The following ZNF780A variants were observed in gnomAD, a reference collection of about 807,000 sequenced individuals.
ZNF780A encodes the protein zinc finger protein 780A.
ZNF780A carries 40 observed loss-of-function variants against 56.7 expected under a neutral mutation model. That is an observed-to-expected ratio of 0.71 (90% CI 0.55 to 0.92). The LOEUF (loss-of-function observed/expected upper bound fraction) is 0.92, where lower values mean the gene tolerates loss of function less well. Ranked by LOEUF, ZNF780A falls within the 40% of genes least tolerant of loss-of-function variation. The pLI, the probability that ZNF780A is intolerant of heterozygous loss-of-function variation, is 0.00. For synonymous variants in ZNF780A, 231 were observed against 248.3 expected (o/e 0.93, Z 0.66); for missense variants, 672 against 783.3 (o/e 0.86, Z 1.70).
chr19:40,084,902 G>A (rs924576889), intron 2 of ZNF780A, 104 bp from the exon 3 acceptor site: 56 of 1,331,166 alleles, frequency 4.2e-5, no homozygotes, highest in Non-Finnish European at 5.3e-5. Flanking sequence ...CTGCTAACAC[G>A]CACACTTCCA....
At chr19:40,080,366 A>C (rs1334596068) in intron 5 of ZNF780A, among the ~76,000 whole-genome samples, 1 of 152,224 alleles carries the variant, frequency 6.6e-6, no homozygotes, top group Admixed American at 6.5e-5. Flanking sequence ...TCTAGCCTAA[A>C]GTCACATGAA....
In ZNF780A at chr19:40,090,913, T is replaced by C. The variant is rs1975132995; in HGVS notation, c.-123A>G. On this transcript the variant is annotated 5_prime_UTR_variant, in exon 1 of 6. Transcript: ENST00000683561. ...CAGACGTGAAGACCTTACCCCGCTATGTCGTCGACCCCGGAGACCGGAAGT... is the reference window on the plus strand; with the variant it reads ...CAGACGTGAAGACCTTACCCCGCTACGTCGTCGACCCCGGAGACCGGAAGT... The C allele has an allele frequency of 2.0e-5, 3 of 152,460 alleles. No homozygotes were observed. Among genetic ancestry groups the C allele is most frequent in the Admixed American group, 1.3e-4 (2 of 15,304 alleles). 9.4% of individuals were successfully genotyped at this position (152,460 alleles called of 1,614,324 possible). A position where few individuals can be genotyped will look rare whatever the true frequency, so the allele number is the denominator to read the frequency against.
intron 2 of ZNF780A, among the ~76,000 whole-genome samples, chr19:40,087,238 G>GT (rs1486354498): frequency 6.6e-6 from 1 of 152,128 alleles, no homozygotes; most frequent in Non-Finnish European, 1.5e-5. Flanking sequence ...CTGGACTACA[G>GT]TTTTTCACCC....
At position 40,076,510 on chromosome 19, in the gene ZNF780A, T is replaced by A. The variant is rs1974143629; in HGVS notation, c.233-301A>T. On this transcript the variant is annotated intron_variant, in intron 5 of 5. Coordinates refer to ENST00000683561, the MANE Select transcript of ZNF780A (RefSeq NM_001142578.2). ...ACATATTGATATGTTCTATAGGACT[T>A]AAGACCATGAGACCCATAGTTTCAT... Among the ~76,000 whole-genome samples, 4 of 152,318 alleles carry A rather than the reference T, an allele frequency of 2.6e-5. No individual in the cohort carries two copies. In the South Asian group the frequency reaches 8.3e-4, roughly 32 times the overall value.
chr19:40,086,437 T>G (rs1015793251), intron 2 of ZNF780A, among the ~76,000 whole-genome samples: 2 of 152,198 alleles, frequency 1.3e-5, no homozygotes, highest in Admixed American at 1.3e-4. Flanking sequence ...CTAATATCCT[T>G]TAGCTGTATC....
At position 40,075,523 on chromosome 19, in the gene ZNF780A, A is replaced by G. The variant is rs1352524066; in HGVS notation, c.919T>C (p.Cys307Arg). The change falls in exon 6 of 6, where the codon TGT becomes CGT. Residue 307 changes from cysteine (C) to arginine (R), a missense_variant. Physicochemically the swap from Cys to Arg is radical, Grantham distance 180. Coordinates refer to ENST00000683561, the MANE Select transcript of ZNF780A (RefSeq NM_001142578.2). ...KIHSNEKPFV[C>R]KECGMAFRYH... ...CGAAAGGCCATCCCACATTCCTTAC[A>G]TACAAAGGGTTTCTCATTGGAATGA... The G allele has an allele frequency of 6.2e-7, 1 of 1,612,980 alleles. No individual in the cohort carries two copies. Among genetic ancestry groups the G allele is most frequent in the Non-Finnish European group, 8.5e-7 (1 of 1,179,746 alleles).
downstream of ZNF780A, chr19:40,070,904 G>A (rs1438845517): frequency 6.6e-6 from 1 of 151,992 alleles, no homozygotes; most frequent in Non-Finnish European, 1.5e-5. Context: ...CAGGGAATCT[G>A]TTGAGTTCAA....
Position 40,074,933 on chromosome 19 carries a change from A to G in ZNF780A, c.1509T>C (p.Cys503=), listed in dbSNP as rs1333197533. 6.2e-7 allele frequency: 1 copy of G among 1,613,926 alleles called. No individual in the cohort carries two copies. Among genetic ancestry groups the G allele is most frequent in the Non-Finnish European group, 8.5e-7 (1 of 1,180,004 alleles). Reference sequence around the variant, plus strand: ...GTCTAAAAGCCTTCCCACACTCCTTACATTCATAGGGCTTCTCACCAGTGT... The same window carrying G: ...GTCTAAAAGCCTTCCCACACTCCTTGCATTCATAGGGCTTCTCACCAGTGT... ...SIHTGEKPYE[C]KECGKAFRLY... Residue 503 remains cysteine (C), a synonymous_variant, in exon 6 of 6, where the codon TGT becomes TGC. Transcript: ENST00000683561.
At position 40,074,575 on chromosome 19, in the gene ZNF780A, T is replaced by C. The variant is rs762233510; in HGVS notation, c.1867A>G (p.Ser623Gly). The change falls in exon 6 of 6, where the codon AGT becomes GGT. Residue 623 changes from serine to glycine, a missense_variant. Physicochemically the swap from Ser to Gly is moderately conservative, Grantham distance 56. Coordinates refer to ENST00000683561, the MANE Select transcript of ZNF780A (RefSeq NM_001142578.2). Reference protein sequence around the residue: ...FECKECGKVFSLPTQLNRHKN... With the variant: ...FECKECGKVFGLPTQLNRHKN... ...TGGCGATTAAGCTGGGTGGGAAGAC[T>C]AAAAACCTTTCCACATTCCTTACAT... 1 of 1,613,960 alleles carries C rather than the reference T, an allele frequency of 6.2e-7. No individual in the cohort carries two copies. The highest frequency in any genetic ancestry group is 8.5e-7 in the Non-Finnish European group (1 of 1,179,988).
chr19:40,075,913 T>C lies in ZNF780A; in HGVS notation c.529A>G (p.Ser177Gly), dbSNP rs926333871. The part of the protein sequence containing the change: ...CKECGKYFSR[S>G]ANLIQHQSIH... Reference sequence around the variant, plus strand: ...CTCTGATGCTGAATAAGATTTGCACTACGACTAAAGTATTTCCCACATTCC... The same window carrying C: ...CTCTGATGCTGAATAAGATTTGCACCACGACTAAAGTATTTCCCACATTCC... The change falls in exon 6 of 6, where the codon AGT becomes GGT. Residue 177 changes from serine (S) to glycine (G), a missense_variant. Transcript: ENST00000683561. The C allele has an allele frequency of 1.2e-6, 2 of 1,613,994 alleles. No homozygotes were observed. The highest frequency in any genetic ancestry group is 1.7e-5 in the Admixed American group (1 of 60,006).
At position 40,074,191 on chromosome 19, in the gene ZNF780A, T is replaced by C; in HGVS notation, c.*325A>G. On this transcript the variant is annotated 3_prime_UTR_variant, in exon 6 of 6. Transcript: ENST00000683561. Reference sequence around the variant, plus strand: ...CCACATTTCTCAAATTCAAATGGCTTCTCGCCAGTATGAATGACCTGAAGT... The same window carrying C: ...CCACATTTCTCAAATTCAAATGGCTCCTCGCCAGTATGAATGACCTGAAGT... The C allele has an allele frequency of 7.1e-7, 1 of 1,404,124 alleles. No homozygotes were observed. Among genetic ancestry groups the C allele is most frequent in the East Asian group, 3.1e-5 (1 of 32,462 alleles). 87.0% of individuals were successfully genotyped at this position (1,404,124 alleles called of 1,614,324 possible).
chr19:40,081,780 C>A (rs371852520), intron 5 of ZNF780A, 39 bp downstream of exon 5: 17 of 1,538,284 alleles, frequency 1.1e-5, no homozygotes, highest in African/African-American at 2.7e-5. Context: ...ATGTCCAGGA[C>A]AATGATGGCT....
chr19:40,074,198 A>G lies in ZNF780A; in HGVS notation c.*318T>C. 1 of 1,409,584 alleles carries G rather than the reference A, an allele frequency of 7.1e-7. No homozygotes were observed. The highest frequency in any genetic ancestry group is 3.0e-5 in the East Asian group (1 of 33,462). 87.3% of individuals were successfully genotyped at this position (1,409,584 alleles called of 1,614,324 possible). The stretch of plus-strand genomic sequence containing the variant: ...TCTCAAATTCAAATGGCTTCTCGCC[A>G]GTATGAATGACCTGAAGTCCAGCAA... On this transcript the variant is annotated 3_prime_UTR_variant, in exon 6 of 6. Coordinates refer to ENST00000683561, the MANE Select transcript of ZNF780A (RefSeq NM_001142578.2).
At position 40,073,932 on chromosome 19, in the gene ZNF780A, T is replaced by G; in HGVS notation, c.*584A>C. Reference sequence around the variant, plus strand: ...ATGCTTTCCCATATTCCTTACATTATAGCGTTTCTCACCAGTATGAATTTT... The same window carrying G: ...ATGCTTTCCCATATTCCTTACATTAGAGCGTTTCTCACCAGTATGAATTTT... On this transcript the variant is annotated 3_prime_UTR_variant, in exon 6 of 6. Coordinates refer to ENST00000683561, the MANE Select transcript of ZNF780A (RefSeq NM_001142578.2). 1 of 1,032,100 alleles carries G rather than the reference T, an allele frequency of 9.7e-7. No homozygotes were observed. The highest frequency in any genetic ancestry group is 1.7e-5 in the African/African-American group (1 of 58,480). The allele number at this position is 1,032,100 out of a possible 1,614,324, so 63.9% of individuals were successfully genotyped here.
chr19:40,073,095 TTAAA>T lies in ZNF780A; in HGVS notation c.*1417_*1420del, dbSNP rs1223352219. The T allele has an allele frequency of 3.0e-6, 4 of 1,343,554 alleles. No homozygotes were observed. Among genetic ancestry groups the T allele is most frequent in the Admixed American group, 7.4e-5 (2 of 27,092 alleles). The allele number at this position is 1,343,554 out of a possible 1,614,324, so 83.2% of individuals were successfully genotyped here. ...CATGTTTGGTTGATACACACGTTGATTAAATAAAGGGTAAAGTGTCATGATGTCT... is the reference window on the plus strand; with the variant it reads ...CATGTTTGGTTGATACACACGTTGATTAAAGGGTAAAGTGTCATGATGTCT... On this transcript the variant is annotated 3_prime_UTR_variant, in exon 6 of 6. Coordinates refer to ENST00000683561, the MANE Select transcript of ZNF780A (RefSeq NM_001142578.2).
chr19:40,073,191 A>G lies in ZNF780A; in HGVS notation c.*1325T>C. The G allele has an allele frequency of 3.6e-6, 3 of 822,950 alleles. No homozygotes were observed. The highest frequency in any genetic ancestry group is 3.9e-5 in the East Asian group (1 of 25,680). 51.0% of individuals were successfully genotyped at this position (822,950 alleles called of 1,614,324 possible). On this transcript the variant is annotated 3_prime_UTR_variant, in exon 6 of 6. Transcript: ENST00000683561. ...ACGTGCAAATTGTTAACAATTTTGA[A>G]TCTAGGTTGGGGTATATGATTGTAT...
intron 2 of ZNF780A, among the ~76,000 whole-genome samples, chr19:40,086,863 C>T (rs1452165989): frequency 2.0e-5 from 3 of 151,888 alleles, no homozygotes; most frequent in Non-Finnish European, 4.4e-5. Flanking sequence ...CCACCACTCC[C>T]GGCTAGTTTT....
At chr19:40,089,249 T>C (rs1267490967) in intron 2 of ZNF780A, 2 of 1,419,692 alleles carry the variant, frequency 1.4e-6, no homozygotes, top group Non-Finnish European at 9.4e-7. Context: ...CATTCCACAA[T>C]GTATACATAC....
Position 40,074,373 on chromosome 19 carries a change from T to C in ZNF780A, c.*143A>G. The C allele has an allele frequency of 2.0e-6, 3 of 1,535,062 alleles. No homozygotes were observed. The highest frequency in any genetic ancestry group is 1.8e-4 in the Middle Eastern group (1 of 5,688). Reference sequence around the variant, plus strand: ...ACAAAGAGTTTCTCACTGGAATGAATTTTCTGATGCTGAATAACGTTTGAA... The same window carrying C: ...ACAAAGAGTTTCTCACTGGAATGAACTTTCTGATGCTGAATAACGTTTGAA... On this transcript the variant is annotated 3_prime_UTR_variant, in exon 6 of 6. Coordinates refer to ENST00000683561, the MANE Select transcript of ZNF780A (RefSeq NM_001142578.2).
Sources: allele counts gnomAD v4.1 joint callset (sites outside exome capture counted in the v4.1 genomes callset), GRCh38; gene constraint gnomAD v4.1.1; transcripts MANE v1.5; gene names NCBI Gene and HGNC (gene_info 2026-07-23, HGNC 2026-07-21).